The following CACNB2 variants were observed in gnomAD, a reference collection of about 807,000 sequenced individuals.
CACNB2 encodes the protein calcium voltage-gated channel auxiliary subunit beta 2.
In CACNB2, 42 loss-of-function variants were observed where a neutral mutation model predicts 73.3. The observed-to-expected ratio is 0.57, with a 90% CI of 0.45 to 0.74. The LOEUF (loss-of-function observed/expected upper bound fraction) is 0.74, where lower values mean the gene tolerates loss of function less well. CACNB2 is among the 30% of genes least tolerant of loss of function. The pLI is 0.00. For synonymous variants in CACNB2, 348 were observed against 310.3 expected, an observed-to-expected ratio of 1.12 and a Z score of -1.28; for missense variants, 940 against 853.0, an observed-to-expected ratio of 1.10 and a Z score of -1.27.
chr10:18,348,886 A>T (rs2132121693), intron 2 of CACNB2, among the ~76,000 whole-genome samples: 1 of 152,308 alleles, frequency 6.6e-6, no homozygotes, highest in East Asian at 1.9e-4. Flanking sequence ...TAGGAGGCCA[A>T]GGTGGGAAGA....
At chr10:18,214,139 G>A (rs1463065139) in intron 2 of CACNB2, among the ~76,000 whole-genome samples, 1 of 79,346 alleles carries the variant, frequency 1.3e-5, no homozygotes, top group African/African-American at 2.9e-5. Context: ...AATTTTTATA[G>A]AAGTATAAGT....
intron 3 of CACNB2, among the ~76,000 whole-genome samples, chr10:18,470,332 G>A (rs917339662): frequency 1.3e-5 from 2 of 148,894 alleles, no homozygotes; most frequent in Non-Finnish European, 3.0e-5. Context: ...TGTATATAAT[G>A]TATAGTATAT....
intron 2 of CACNB2, among the ~76,000 whole-genome samples, chr10:18,381,086 T>C (rs1381139862): frequency 6.6e-6 from 1 of 151,694 alleles, no homozygotes; most frequent in African/African-American, 2.4e-5. Context: ...GACAGAGCTG[T>C]GGATACTAAC....
chr10:18,224,086 G>T (rs2035895134), intron 2 of CACNB2, among the ~76,000 whole-genome samples: 1 of 151,918 alleles, frequency 6.6e-6, no homozygotes, highest in South Asian at 2.1e-4. Flanking sequence ...TGGCCCTAGA[G>T]ATGAGTAATA....
intron 2 of CACNB2, among the ~76,000 whole-genome samples, chr10:18,285,555 T>A (rs888302779): frequency 1.6e-4 from 25 of 152,346 alleles, no homozygotes; most frequent in African/African-American, 6.0e-4. Context: ...ACTGTTACCA[T>A]GTCAGAGTCC....
chr10:18,300,685 C>T (rs1204341735), intron 2 of CACNB2, among the ~76,000 whole-genome samples: 1 of 152,030 alleles, frequency 6.6e-6, no homozygotes, highest in Non-Finnish European at 1.5e-5. Context: ...CCCATCTCTA[C>T]TAAAAATACA....
intron 2 of CACNB2, chr10:18,257,222 C>T (rs1388831798): frequency 6.6e-6 from 1 of 152,250 alleles, no homozygotes; most frequent in Non-Finnish European, 1.5e-5. Context: ...ACCATTTCTA[C>T]ATCTGCCCAT....
At position 18,155,941 on chromosome 10, in the gene CACNB2, C is replaced by A. The variant is rs371203961; in HGVS notation, c.213+4966C>A. On this transcript the variant is annotated intron_variant, in intron 2 of 13. Coordinates refer to ENST00000324631, the MANE Select transcript of CACNB2 (RefSeq NM_201596.3). ...TATATGTCAATATGCCATATACATA[C>A]CATATATATCACATTATATACATGA... is the stretch of plus-strand genomic sequence containing the variant. Among the ~76,000 whole-genome samples the A allele has an allele frequency of 2.7e-5, 4 of 149,196 alleles. No individual in the cohort carries two copies. In the South Asian group the frequency reaches 8.6e-4, roughly 32 times the overall value.
chr10:18,186,348 G>A (rs192918543), intron 2 of CACNB2, among the ~76,000 whole-genome samples: 4 of 152,178 alleles, frequency 2.6e-5, no homozygotes, highest in Admixed American at 2.6e-4. Context: ...GAACCTGGGA[G>A]GCGGAGGCTG....
chr10:18,294,521 C>G (rs2039197030), intron 2 of CACNB2, among the ~76,000 whole-genome samples: 1 of 152,150 alleles, frequency 6.6e-6, no homozygotes, highest in African/African-American at 2.4e-5. Context: ...AGACAAAAAG[C>G]AAATACCTAA....
At chr10:18,526,686 C>T (rs2052497855) in intron 9 of CACNB2, among the ~76,000 whole-genome samples, 1 of 152,166 alleles carries the variant, frequency 6.6e-6, no homozygotes, top group Non-Finnish European at 1.5e-5. Flanking sequence ...TAAAATGATA[C>T]TCCCAATTCA....
intron 12 of CACNB2, among the ~76,000 whole-genome samples, chr10:18,537,466 A>G (rs1411441113): frequency 1.3e-5 from 2 of 152,086 alleles, no homozygotes; most frequent in East Asian, 3.9e-4. Flanking sequence ...TTACCTTATT[A>G]ATTTCTAAAT....
At chr10:18,295,373 C>T (rs1268009520) in intron 2 of CACNB2, among the ~76,000 whole-genome samples, 1 of 152,174 alleles carries the variant, frequency 6.6e-6, no homozygotes, top group Non-Finnish European at 1.5e-5. Flanking sequence ...CTTTATACCA[C>T]ACTAACCAAG....
intron 2 of CACNB2, among the ~76,000 whole-genome samples, chr10:18,396,352 C>A (rs1198200846): frequency 6.6e-6 from 1 of 152,198 alleles, no homozygotes; most frequent in African/African-American, 2.4e-5. Context: ...GAAGGTAATT[C>A]TAAACTGTGA....
chr10:18,203,947 A>G (rs189285529), intron 2 of CACNB2, among the ~76,000 whole-genome samples: 5 of 152,342 alleles, frequency 3.3e-5, no homozygotes, highest in African/African-American at 1.2e-4. Context: ...AGGAAAATAC[A>G]GTCGTTTTTG....
intron 3 of CACNB2, among the ~76,000 whole-genome samples, chr10:18,452,382 G>A (rs1447329442): frequency 1.3e-5 from 2 of 152,080 alleles, no homozygotes; most frequent in Non-Finnish European, 2.9e-5. Context: ...AAGTCATGAT[G>A]GTACCACTGC....
At position 18,289,284 on chromosome 10, in the gene CACNB2, G is replaced by GTTTTTT. The variant is rs1489491866; in HGVS notation, c.214-112638_214-112633dup. On this transcript the variant is annotated intron_variant, in intron 2 of 13. Coordinates refer to ENST00000324631, the MANE Select transcript of CACNB2 (RefSeq NM_201596.3). ...GAAGTTGTCTTCATTTTTTTTTCTT[G>GTTTTTT]TTTTTTTGTTTTGTTTTTTTTTTTT... Among the ~76,000 whole-genome samples the GTTTTTT allele has an allele frequency of 6.7e-3, 573 of 85,458 alleles. 80 individuals are homozygous for GTTTTTT. Among genetic ancestry groups the GTTTTTT allele is most frequent in the African/African-American group, 0.023 (399 of 17,122 alleles). The allele number at this position is 85,458 out of a possible 152,430, so 56.1% of individuals were successfully genotyped here.
intron 2 of CACNB2, among the ~76,000 whole-genome samples, chr10:18,153,050 G>A (rs1278832399): frequency 2.0e-5 from 3 of 152,226 alleles, no homozygotes; most frequent in African/African-American, 7.2e-5. Flanking sequence ...ACTGGAATTT[G>A]TTTTTCTTCA....
At chr10:18,413,262 G>T (rs1187357863) in intron 3 of CACNB2, among the ~76,000 whole-genome samples, 1 of 152,190 alleles carries the variant, frequency 6.6e-6, no homozygotes, top group Non-Finnish European at 1.5e-5. Context: ...ATGAGCCACT[G>T]TGCCCAGCCA....
Sources: allele counts gnomAD v4.1 joint callset (sites outside exome capture counted in the v4.1 genomes callset), GRCh38; gene constraint gnomAD v4.1.1; transcripts MANE v1.5; gene names NCBI Gene and HGNC (gene_info 2026-07-23, HGNC 2026-07-21).